USP32: variants seen among roughly 807,000 people sequenced by gnomAD.
USP32 encodes ubiquitin carboxyl-terminal hydrolase 32.
Under a neutral mutation model 204.8 loss-of-function variants are expected in USP32, and 59 were observed. That is an observed-to-expected ratio of 0.29 (90% CI 0.23 to 0.36). USP32 has a LOEUF of 0.36. Among genes scored for constraint, USP32 ranks in the 10% least tolerant of loss-of-function variants. The probability of loss-of-function intolerance (pLI) is 1.00; values close to 1 mark genes in which losing one functional copy is unlikely to be tolerated. For synonymous variants in USP32, 517 were observed against 678.4 expected (o/e 0.76, Z 3.70); for missense variants, 1,160 against 1,946.4 (o/e 0.60, Z 7.60).
rs182584967 is a variant in USP32 at position 60,339,240 on chromosome 17, A to G, written c.186+6241T>C. ...AGAACATAAAAATATTAAGTACACT[A>G]ATCTATCCTCAAAACAGTATGTCTA... On this transcript the variant is annotated intron_variant, in intron 2 of 33. Coordinates refer to ENST00000300896, the MANE Select transcript of USP32 (RefSeq NM_032582.4). Among the ~76,000 whole-genome samples, 24 of 152,168 alleles carry G rather than the reference A, an allele frequency of 1.6e-4. No individual in the cohort carries two copies. The East Asian group carries it at 3.7e-3, about 23-fold the overall frequency.
chr17:60,304,818 T>C (rs755079038), intron 2 of USP32: 1 of 152,226 alleles, frequency 6.6e-6, no homozygotes, highest in Non-Finnish European at 1.5e-5. Flanking sequence ...AACATTGACC[T>C]CATTAATAAA....
At chr17:60,227,425 A>T (rs2085425107) in intron 12 of USP32, among the ~76,000 whole-genome samples, 1 of 151,814 alleles carries the variant, frequency 6.6e-6, no homozygotes, top group Non-Finnish European at 1.5e-5. Flanking sequence ...GCATGCCACC[A>T]AGCCCAGATA....
chr17:60,268,795 C>T (rs192966139), intron 7 of USP32, among the ~76,000 whole-genome samples: 18 of 151,916 alleles, frequency 1.2e-4, no homozygotes, highest in African/African-American at 4.1e-4. Context: ...GTACTAAATA[C>T]GATAAAAATA....
intron 21 of USP32, among the ~76,000 whole-genome samples, 197 bp downstream of exon 21, chr17:60,210,816 T>C (rs2084943351): frequency 6.6e-6 from 1 of 152,408 alleles, no homozygotes; most frequent in African/African-American, 2.4e-5. Context: ...CTTTGGTCTT[T>C]ATCCTACCCA....
At chr17:60,307,585 A>G (rs1006701652) in intron 2 of USP32, among the ~76,000 whole-genome samples, 1 of 152,198 alleles carries the variant, frequency 6.6e-6, no homozygotes, top group Non-Finnish European at 1.5e-5. Context: ...TGGCAGCATC[A>G]TACTACCTGA....
At chr17:60,278,380 TAGAG>T (rs1256493858) in intron 5 of USP32, among the ~76,000 whole-genome samples, 2 of 151,364 alleles carry the variant, frequency 1.3e-5, no homozygotes, top group African/African-American at 4.9e-5. Context: ...AATGAAAAAA[TAGAG>T]AGTTTTCTGG....
At chr17:60,368,991 A>ATTTTTTTTTTTTTTTTTTTTTTTT (rs758528054) in intron 1 of USP32, among the ~76,000 whole-genome samples, 9 of 114,128 alleles carry the variant, frequency 7.9e-5, no homozygotes, top group African/African-American at 2.6e-4. Flanking sequence ...TTTTTAAAAG[A>ATTTTTTTTTTTTTTTTTTTTTTTT]TTTTTTTTTT....
intron 26 of USP32, among the ~76,000 whole-genome samples, chr17:60,200,132 T>A (rs758479132): frequency 6.6e-6 from 1 of 150,386 alleles, no homozygotes; most frequent in South Asian, 2.1e-4. Flanking sequence ...AGGCATAGAG[T>A]ACAGTGAGCC....
At chr17:60,305,754 T>A (rs915740348) in intron 2 of USP32, among the ~76,000 whole-genome samples, 1 of 152,196 alleles carries the variant, frequency 6.6e-6, no homozygotes, top group Non-Finnish European at 1.5e-5. Flanking sequence ...CTGACTTTAA[T>A]ACAAAGAGTA....
chr17:60,197,505 G>A (rs1443832250), intron 27 of USP32, among the ~76,000 whole-genome samples: 1 of 152,198 alleles, frequency 6.6e-6, no homozygotes, highest in Admixed American at 6.5e-5. Flanking sequence ...TGGGGAGGCT[G>A]AGGCAGGAGA....
At chr17:60,320,984 C>T (rs1240408276) in intron 2 of USP32, among the ~76,000 whole-genome samples, 3 of 152,082 alleles carry the variant, frequency 2.0e-5, no homozygotes, top group African/African-American at 7.2e-5. Context: ...CTCTTACCTC[C>T]TACAGCTTGG....
intron 31 of USP32, among the ~76,000 whole-genome samples, chr17:60,182,614 T>G (rs956597978): frequency 1.3e-5 from 2 of 151,814 alleles, no homozygotes; most frequent in African/African-American, 4.8e-5. Context: ...AATACAAAAA[T>G]TAGCCAGGTG....
intron 1 of USP32, among the ~76,000 whole-genome samples, chr17:60,349,596 A>AAAAAT (rs1555618242): frequency 3.2e-4 from 21 of 65,188 alleles, no homozygotes; most frequent in East Asian, 5.8e-4. Flanking sequence ...AAAAAAAAAA[A>AAAAAT]ATATATATAT....
At chr17:60,392,704 A>G (rs1454472611), upstream of USP32, 1 of 430,990 alleles carries the variant, frequency 2.3e-6, no homozygotes, top group East Asian at 8.1e-5. Context: ...GTGAAAGGAA[A>G]GGAGAATCTC....
At chr17:60,231,635 G>A (rs7218312) in intron 12 of USP32, 8,913 of 510,544 alleles carry the variant, frequency 0.017, 662 homozygotes, top group African/African-American at 0.15. Flanking sequence ...CAAAGCCCAT[G>A]GGAGAGAGGC....
At chr17:60,384,481 T>C (rs935802130) in intron 1 of USP32, among the ~76,000 whole-genome samples, 2 of 152,214 alleles carry the variant, frequency 1.3e-5, no homozygotes, top group East Asian at 1.9e-4. Flanking sequence ...CTGAATCTTA[T>C]TCACAAGATA....
chr17:60,421,264 C>T, intron 1 of USP32: 1 of 719,074 alleles, frequency 1.4e-6, no homozygotes, highest in African/African-American at 1.9e-5. Context: ...ACAACGACAA[C>T]AATAACAACA....
intron 5 of USP32, among the ~76,000 whole-genome samples, chr17:60,284,789 T>C (rs1255166404): frequency 6.6e-6 from 1 of 152,208 alleles, no homozygotes; most frequent in Non-Finnish European, 1.5e-5. Flanking sequence ...CTAAGTTTCA[T>C]TCTTGGTTCC....
At chr17:60,220,519 T>A (rs1385567033) in intron 15 of USP32, among the ~76,000 whole-genome samples, 3 of 152,238 alleles carry the variant, frequency 2.0e-5, no homozygotes, top group Non-Finnish European at 4.4e-5. Context: ...ACAGGATTTT[T>A]AAGTAGTTTT....
Sources: gnomAD v4.1 joint callset for allele counts (sites outside exome capture counted in the v4.1 genomes callset) on GRCh38, gnomAD v4.1.1 for gene constraint, MANE v1.5 for transcripts, NCBI Gene and HGNC (gene_info 2026-07-23, HGNC 2026-07-21) for gene names.